Variants in ZDHHC11B observed in about 807,000 individuals in gnomAD.
ZDHHC11B encodes the protein probable palmitoyltransferase ZDHHC11B.
In ZDHHC11B, 17 loss-of-function variants were observed where a neutral mutation model predicts 42.3. The observed-to-expected ratio is 0.40, with a 90% CI of 0.27 to 0.60. The LOEUF (loss-of-function observed/expected upper bound fraction) is 0.60, where lower values mean the gene tolerates loss of function less well. Among genes scored for constraint, ZDHHC11B ranks in the 20% least tolerant of loss-of-function variants. ZDHHC11B has a pLI of 0.41. For missense variants in ZDHHC11B, 262 were observed against 463.2 expected, an observed-to-expected ratio of 0.57 and a Z score of 3.99; for synonymous variants, 123 against 193.5, an observed-to-expected ratio of 0.64 and a Z score of 3.02.
chr5:729,547 C>CGA (rs1554030262), intron 12 of ZDHHC11B, among the ~76,000 whole-genome samples: 1 of 93,376 alleles, frequency 1.1e-5, no homozygotes, highest in African/African-American at 6.8e-5. Flanking sequence ...TGACTGTGTG[C>CGA]GAGTGTGTGT....
At chr5:762,211 G>A (rs1239355059) in intron 4 of ZDHHC11B, among the ~76,000 whole-genome samples, 2 of 150,604 alleles carry the variant, frequency 1.3e-5, no homozygotes, top group Admixed American at 6.6e-5. Flanking sequence ...TCACAGTCCC[G>A]GCCAGCCACT....
chr5:756,305 T>C (rs528934929), intron 4 of ZDHHC11B, among the ~76,000 whole-genome samples, 161 bp from the exon 5 acceptor site: 1 of 151,580 alleles, frequency 6.6e-6, no homozygotes, highest in Admixed American at 6.6e-5. Flanking sequence ...CCTGCTCACA[T>C]GGCCCTGCTT....
At chr5:751,421 G>GGGCA (rs1745674030) in intron 6 of ZDHHC11B, among the ~76,000 whole-genome samples, 164 bp from the exon 7 acceptor site, 1 of 63,344 alleles carries the variant, frequency 1.6e-5, no homozygotes, top group Admixed American at 2.3e-4. Flanking sequence ...TGTGGGACAG[G>GGGCA]TGTGGGGGCG....
At chr5:760,995 G>A (rs1249475898) in intron 4 of ZDHHC11B, among the ~76,000 whole-genome samples, 2 of 151,808 alleles carry the variant, frequency 1.3e-5, no homozygotes, top group African/African-American at 4.8e-5. Flanking sequence ...TGTGGTCAAG[G>A]AGATACCAGC....
At chr5:743,051 A>G (rs913787184) in intron 9 of ZDHHC11B, among the ~76,000 whole-genome samples, 1 of 149,902 alleles carries the variant, frequency 6.7e-6, no homozygotes, top group Non-Finnish European at 1.5e-5. Flanking sequence ...TACAGGTATG[A>G]AGAACTCAAT....
At chr5:765,421 G>C (rs1398356591) in intron 4 of ZDHHC11B, among the ~76,000 whole-genome samples, 1 of 151,948 alleles carries the variant, frequency 6.6e-6, no homozygotes, top group Non-Finnish European at 1.5e-5. Context: ...GGGACTTGGA[G>C]AACTTTTGTG....
Position 751,087 on chromosome 5 carries a change from C to T in ZDHHC11B, c.628+46G>A, listed in dbSNP as rs142880551. ...GACCCGATACTACCGCCCGGAAAGA[C>T]GGCTGGAGGCGAGGATGAGGCCCCT... On this transcript the variant is annotated intron_variant, in intron 7 of 13. Transcript: ENST00000508859. 6.3e-3 allele frequency: 5,776 copies of T among 916,844 alleles called. 383 individuals are homozygous for T. The African/African-American group carries it at 0.093, about 15-fold the overall frequency. 56.8% of individuals were successfully genotyped at this position (916,844 alleles called of 1,614,324 possible). A position where few individuals can be genotyped will look rare whatever the true frequency, so the allele number is the denominator to read the frequency against.
At chr5:777,557 G>A (rs192006408) in intron 1 of ZDHHC11B, among the ~76,000 whole-genome samples, 2 of 152,064 alleles carry the variant, frequency 1.3e-5, no homozygotes, top group East Asian at 1.9e-4. Flanking sequence ...GGTTGCGGCA[G>A]GGCGTTCCGG....
At chr5:753,076 G>C (rs187492038) in intron 6 of ZDHHC11B, among the ~76,000 whole-genome samples, 2,617 of 127,664 alleles carry the variant, frequency 0.02, 316 homozygotes, top group African/African-American at 0.033. Flanking sequence ...TGCAGAGTCC[G>C]AGGCCAGCGC....
chr5:721,118 G>T (rs1489601279), intron 12 of ZDHHC11B, among the ~76,000 whole-genome samples: 2 of 150,898 alleles, frequency 1.3e-5, no homozygotes, highest in Non-Finnish European at 3.0e-5. Context: ...AAAAATCTAA[G>T]TTGGTATTCA....
At chr5:761,506 C>T (rs1447216257) in intron 4 of ZDHHC11B, among the ~76,000 whole-genome samples, 2 of 151,874 alleles carry the variant, frequency 1.3e-5, no homozygotes, top group Admixed American at 6.6e-5. Context: ...GGAATGCCAG[C>T]AGGGCCACAG....
chr5:759,003 G>A lies in ZDHHC11B; in HGVS notation c.223-2859C>T, dbSNP rs369046556. Among the ~76,000 whole-genome samples, 60 of 151,932 alleles carry A rather than the reference G, an allele frequency of 3.9e-4. No homozygotes were observed. In the South Asian group the frequency reaches 4.6e-3, roughly 12 times the overall value. ...GGGAGCCCCGGGATAGAGATGACAC[G>A]GAGCACCGTGTTCTCAATTTTCTCT... is the stretch of plus-strand genomic sequence containing the variant. On this transcript the variant is annotated intron_variant, in intron 4 of 13. Transcript: ENST00000508859.
chr5:780,148 G>A (rs1392649634), intron 1 of ZDHHC11B, among the ~76,000 whole-genome samples: 28 of 150,592 alleles, frequency 1.9e-4, no homozygotes, highest in Admixed American at 1.5e-3. Context: ...AACTGTGGGG[G>A]CGAATGGCTT....
In ZDHHC11B at chr5:748,208, T is replaced by G; in HGVS notation, c.784+196A>C. On this transcript the variant is annotated intron_variant, in intron 8 of 13. Coordinates refer to ENST00000508859, the MANE Select transcript of ZDHHC11B (RefSeq NM_001351303.2). ...GGCCCTCATGGATTTAATTTCTTCC[T>G]GTGATTTGCCCTTTTTGTCCATGAT... is the stretch of plus-strand genomic sequence containing the variant. 4.9e-6 allele frequency: 3 copies of G among 606,252 alleles called. No individual in the cohort carries two copies. In the Admixed American group the frequency reaches 8.4e-5, roughly 17 times the overall value. The allele number at this position is 606,252 out of a possible 1,614,324, so 37.6% of individuals were successfully genotyped here. A position where few individuals can be genotyped will look rare whatever the true frequency, so the allele number is the denominator to read the frequency against.
At chr5:778,867 G>A (rs1489892438) in intron 1 of ZDHHC11B, among the ~76,000 whole-genome samples, 4 of 151,914 alleles carry the variant, frequency 2.6e-5, no homozygotes, top group Non-Finnish European at 2.9e-5. Context: ...TCCCCATTGT[G>A]GTGGCATTAA....
intron 12 of ZDHHC11B, among the ~76,000 whole-genome samples, chr5:729,248 G>A (rs1259342588): frequency 0.024 from 3,529 of 150,138 alleles, 16 homozygotes; most frequent in African/African-American, 0.082. Flanking sequence ...AATGTCGGCC[G>A]TGTCACTGGG....
chr5:769,926 C>T (rs1436105827), intron 1 of ZDHHC11B, among the ~76,000 whole-genome samples: 1 of 151,924 alleles, frequency 6.6e-6, no homozygotes, highest in East Asian at 1.9e-4. Flanking sequence ...AGTCCCGCTG[C>T]TCCCAAGGAG....
intron 11 of ZDHHC11B, 39 bp from the exon 12 acceptor site, chr5:730,507 A>T: frequency 6.5e-7 from 1 of 1,544,348 alleles, no homozygotes; most frequent in Non-Finnish European, 8.7e-7. Flanking sequence ...AGGATGAACA[A>T]AGACCTTGTT....
At chr5:759,684 G>T (rs530163577) in intron 4 of ZDHHC11B, among the ~76,000 whole-genome samples, 1 of 151,970 alleles carries the variant, frequency 6.6e-6, no homozygotes, top group African/African-American at 2.4e-5. Flanking sequence ...GCCGCTGGAC[G>T]GTTGGCCAAG....
Sources: allele counts gnomAD v4.1 joint callset (sites outside exome capture counted in the v4.1 genomes callset), GRCh38; gene constraint gnomAD v4.1.1; transcripts MANE v1.5; gene names NCBI Gene and HGNC (gene_info 2026-07-23, HGNC 2026-07-21).